Variants in HUS1 observed in about 807,000 individuals in gnomAD.
HUS1 encodes HUS1 checkpoint clamp component.
A neutral mutation model predicts 32.6 loss-of-function variants in HUS1; 31 were observed. That is an observed-to-expected ratio of 0.95 (90% CI 0.72 to 1.28). The LOEUF is 1.28. HUS1 is among the 50% of genes most tolerant of loss of function. The pLI, the probability that HUS1 is intolerant of heterozygous loss-of-function variation, is 0.00. For missense variants in HUS1, 340 were observed against 337.7 expected, an observed-to-expected ratio of 1.01 and a Z score of -0.05; for synonymous variants, 123 against 116.6, an observed-to-expected ratio of 1.06 and a Z score of -0.36.
intron 5 of HUS1, among the ~76,000 whole-genome samples, chr7:47,974,520 G>A (rs1445723680): frequency 4.6e-5 from 7 of 152,164 alleles, no homozygotes; most frequent in African/African-American, 7.2e-5. Flanking sequence ...ACCCAGCCTC[G>A]TTCTGCAGGG....
intron 4 of HUS1, chr7:47,976,426 G>A (rs2128766444): frequency 2.1e-6 from 1 of 477,170 alleles, no homozygotes; most frequent in East Asian, 6.3e-5. Flanking sequence ...CAAGTCCTGT[G>A]AAACCCAAAT....
Position 47,978,735 on chromosome 7 carries a change from T to C in HUS1, c.134A>G (p.Asp45Gly). The change falls in exon 2 of 8, where the codon GAC (aspartate) becomes GGC (glycine). Residue 45 changes from aspartate (D) to glycine (G), a missense_variant. Transcript: ENST00000258774. Reference sequence around the variant, plus strand: ...GCTCACTCCTCCATTAGCCAGCTTGTCACAAAGGATGAAGTTAAGCTTATC... The same window carrying C: ...GCTCACTCCTCCATTAGCCAGCTTGCCACAAAGGATGAAGTTAAGCTTATC... ...SPDKLNFILC[D>G]KLANGGVSMW... The C allele has an allele frequency of 6.2e-7, 1 of 1,614,240 alleles. No individual in the cohort carries two copies. Among genetic ancestry groups the C allele is most frequent in the South Asian group, 1.1e-5 (1 of 91,092 alleles).
In HUS1 at chr7:47,976,721, A is replaced by G. The variant is rs1554292970; in HGVS notation, c.465+9T>C. On this transcript the variant is annotated intron_variant, in intron 4 of 7. Coordinates refer to ENST00000258774, the MANE Select transcript of HUS1 (RefSeq NM_004507.4). ...TGGGGTGTACAGCAGGACTGCAGGC[A>G]TCACCTACATCAGGATCTGGGACCA... The G allele has an allele frequency of 6.7e-7, 1 of 1,486,950 alleles. No homozygotes were observed. Among genetic ancestry groups the G allele is most frequent in the East Asian group, 2.3e-5 (1 of 44,270 alleles). 92.1% of individuals were successfully genotyped at this position (1,486,950 alleles called of 1,614,324 possible). A position where few individuals can be genotyped will look rare whatever the true frequency, so the allele number is the denominator to read the frequency against.
At chr7:47,968,467 C>G (rs1788526782) in intron 6 of HUS1, among the ~76,000 whole-genome samples, 1 of 152,212 alleles carries the variant, frequency 6.6e-6, no homozygotes, top group Non-Finnish European at 1.5e-5. Context: ...TTCCTTCCAA[C>G]TCTATGCTAA....
chr7:47,970,739 C>T (rs548934608), intron 5 of HUS1, among the ~76,000 whole-genome samples: 4 of 152,292 alleles, frequency 2.6e-5, no homozygotes, highest in African/African-American at 7.2e-5. Context: ...TGGGAAAAAT[C>T]CCCAGGGTAT....
Position 47,978,821 on chromosome 7 carries a change from A to T in HUS1, c.53-5T>A. On this transcript the variant is annotated splice_region_variant and splice_polypyrimidine_tract_variant and intron_variant, in intron 1 of 7. Transcript: ENST00000258774. ...TGGCTATCATGTTACTGATTCCTAA[A>T]GCAGGGGTTAAAATAAGGAATTACT... 6.2e-7 allele frequency: 1 copy of T among 1,613,348 alleles called. No individual in the cohort carries two copies. Among genetic ancestry groups the T allele is most frequent in the Non-Finnish European group, 8.5e-7 (1 of 1,179,792 alleles).
intron 5 of HUS1, among the ~76,000 whole-genome samples, chr7:47,970,030 A>T (rs3176576): frequency 6.6e-6 from 1 of 151,698 alleles, no homozygotes; most frequent in Non-Finnish European, 1.5e-5. Context: ...TCAGGAGATC[A>T]AGACCATCCT....
At chr7:47,967,738 G>A in intron 7 of HUS1, 68 bp downstream of exon 7, 1 of 1,280,786 alleles carries the variant, frequency 7.8e-7, no homozygotes. Flanking sequence ...CAATCTGTTA[G>A]ACTAGAGTTG....
At chr7:47,967,187 G>A (rs1373251574) in intron 7 of HUS1, among the ~76,000 whole-genome samples, 2 of 152,192 alleles carry the variant, frequency 1.3e-5, no homozygotes, top group African/African-American at 4.8e-5. Flanking sequence ...TGTGATTTCA[G>A]TAGTAAGGTG....
intron 5 of HUS1, chr7:47,971,450 G>T (rs1424978381): frequency 1.1e-5 from 5 of 456,530 alleles, no homozygotes; most frequent in East Asian, 6.9e-5. Context: ...GGTCACAAGG[G>T]ACTCCTTTCC....
intron 3 of HUS1, among the ~76,000 whole-genome samples, chr7:47,977,302 T>C (rs765657017): frequency 2.0e-4 from 31 of 152,096 alleles, no homozygotes; most frequent in Non-Finnish European, 3.4e-4. Flanking sequence ...TGTAAAGCCG[T>C]GAGGCAGAAA....
rs757703425 is a variant in HUS1, at chr7:47,975,703, G to A, written c.466-16C>T. On this transcript the variant is annotated splice_polypyrimidine_tract_variant and intron_variant, in intron 4 of 7. Transcript: ENST00000258774. ...AAATACTAACCTACAAAACCAATGAGAAAAAAGCACAAGTATTAAAAATAT... is the reference window on the plus strand; with the variant it reads ...AAATACTAACCTACAAAACCAATGAAAAAAAAGCACAAGTATTAAAAATAT... The A allele has an allele frequency of 1.0e-5, 15 of 1,464,740 alleles. No homozygotes were observed. Among genetic ancestry groups the A allele is most frequent in the African/African-American group, 5.7e-5 (4 of 70,742 alleles). The allele number at this position is 1,464,740 out of a possible 1,614,324, so 90.7% of individuals were successfully genotyped here.
intron 3 of HUS1, among the ~76,000 whole-genome samples, 168 bp from the exon 4 acceptor site, chr7:47,977,005 T>C (rs1005092826): frequency 2.0e-5 from 3 of 151,912 alleles, no homozygotes; most frequent in Non-Finnish European, 2.9e-5. Flanking sequence ...CCAATATTTA[T>C]GGAACAGACT....
rs1788426064 is a variant in HUS1 at position 47,964,072 on chromosome 7, A to C, written c.*1284T>G. ...TAAGCAACTTAGGTCTCAGTTTTGT[A>C]ATGTGACATTAATATAATGTTTATG... On this transcript the variant is annotated 3_prime_UTR_variant, in exon 8 of 8. Coordinates refer to ENST00000258774, the MANE Select transcript of HUS1 (RefSeq NM_004507.4). 6.6e-6 allele frequency: 1 copy of C among 152,124 alleles called. No homozygotes were observed. The highest frequency in any genetic ancestry group is 1.5e-5 in the Non-Finnish European group (1 of 68,028). The allele number at this position is 152,124 out of a possible 1,614,324, so 9.4% of individuals were successfully genotyped here.
chr7:47,966,395 C>CT (rs1314207134), intron 7 of HUS1, among the ~76,000 whole-genome samples: 1 of 152,220 alleles, frequency 6.6e-6, no homozygotes, highest in African/African-American at 2.4e-5. Context: ...GTTGGGAAGA[C>CT]ACTTGGCTTA....
chr7:47,968,845 G>A (rs1788535119), intron 6 of HUS1: 1 of 171,048 alleles, frequency 5.8e-6, no homozygotes, highest in African/African-American at 2.4e-5. Flanking sequence ...ACTGAAGGAG[G>A]AGAATATAAG....
intron 7 of HUS1, 75 bp from the exon 8 acceptor site, chr7:47,965,513 C>G (rs1156435577): frequency 2.0e-6 from 2 of 1,013,262 alleles, no homozygotes; most frequent in Non-Finnish European, 3.1e-6. Context: ...TTCAGAACAG[C>G]CTTCCCAGCC....
intron 3 of HUS1, among the ~76,000 whole-genome samples, chr7:47,977,258 A>C (rs996855805): frequency 1.3e-5 from 2 of 152,150 alleles, no homozygotes; most frequent in African/African-American, 4.8e-5. Context: ...GACAAGAACA[A>C]GGGGACAGGG....
chr7:47,964,571 A>C lies in HUS1; in HGVS notation c.*785T>G, dbSNP rs1788436799. On this transcript the variant is annotated 3_prime_UTR_variant, in exon 8 of 8. Coordinates refer to ENST00000258774, the MANE Select transcript of HUS1 (RefSeq NM_004507.4). ...CACTTAACACAGATGATACCTTAGA[A>C]GTTTCGTTTGTTTCTACTCTAAATA... The C allele has an allele frequency of 6.6e-6, 1 of 152,350 alleles. No homozygotes were observed. Among genetic ancestry groups the C allele is most frequent in the African/African-American group, 2.4e-5 (1 of 41,582 alleles). 9.4% of individuals were successfully genotyped at this position (152,350 alleles called of 1,614,324 possible). A position where few individuals can be genotyped will look rare whatever the true frequency, so the allele number is the denominator to read the frequency against.
Sources: allele counts gnomAD v4.1 joint callset (sites outside exome capture counted in the v4.1 genomes callset), GRCh38; gene constraint gnomAD v4.1.1; transcripts MANE v1.5; gene names NCBI Gene and HGNC (gene_info 2026-07-23, HGNC 2026-07-21).